Variants in ZNF365 observed in about 807,000 individuals in gnomAD.
ZNF365 encodes the protein zinc finger protein 365.
A neutral mutation model predicts 35.0 loss-of-function variants in ZNF365; 22 were observed. The observed-to-expected ratio is 0.63, with a 90% confidence interval of 0.45 to 0.90. The LOEUF is 0.90. Ranked by LOEUF, ZNF365 falls within the 40% of genes least tolerant of loss-of-function variation. ZNF365 has a pLI of 0.00. For synonymous variants in ZNF365, 188 were observed against 196.2 expected, an observed-to-expected ratio of 0.96 and a Z score of 0.35; for missense variants, 448 against 500.3, an observed-to-expected ratio of 0.90 and a Z score of 1.00.
intron 3 of ZNF365, among the ~76,000 whole-genome samples, chr10:62,444,675 G>A (rs777446495): frequency 1.7e-4 from 26 of 152,212 alleles, no homozygotes; most frequent in African/African-American, 6.3e-4. Context: ...CTGAATGTTC[G>A]AATCTCTTCT....
chr10:62,418,328 C>A (rs917869609), intron 3 of ZNF365, among the ~76,000 whole-genome samples: 3 of 151,874 alleles, frequency 2.0e-5, no homozygotes, highest in Non-Finnish European at 4.4e-5. Context: ...GCTTATTTAC[C>A]CTTCTAATGG....
At chr10:62,467,865 C>A (rs749653947) in intron 4 of ZNF365, among the ~76,000 whole-genome samples, 11 of 152,148 alleles carry the variant, frequency 7.2e-5, no homozygotes, top group Non-Finnish European at 1.0e-4. Flanking sequence ...AGTCTTTGGG[C>A]AGTGTTTGCA....
chr10:62,470,637 A>G (rs1267332111), intron 4 of ZNF365, among the ~76,000 whole-genome samples: 3 of 152,170 alleles, frequency 2.0e-5, no homozygotes, highest in African/African-American at 7.2e-5. Context: ...GTTTATACAC[A>G]CTTTCCATGT....
At chr10:62,398,891 C>A in intron 4 of ZNF365, 114 bp downstream of exon 4, 1 of 1,068,680 alleles carries the variant, frequency 9.4e-7, no homozygotes, top group Middle Eastern at 3.0e-4. Context: ...TTATAAATGG[C>A]TTTGGGAGGC....
downstream of ZNF365, among the ~76,000 whole-genome samples, chr10:62,405,981 A>G (rs1839898632): frequency 6.6e-6 from 1 of 152,218 alleles, no homozygotes; most frequent in Non-Finnish European, 1.5e-5. Context: ...AGTCCTAAAC[A>G]CAGAGATCTG....
intron 4 of ZNF365, among the ~76,000 whole-genome samples, chr10:62,478,243 T>A (rs1194536625): frequency 6.6e-6 from 1 of 152,108 alleles, no homozygotes; most frequent in Non-Finnish European, 1.5e-5. Flanking sequence ...ACAAAGACCA[T>A]AATAAACATG....
At chr10:62,393,671 G>A (rs377749639) in intron 3 of ZNF365, among the ~76,000 whole-genome samples, 117 of 152,264 alleles carry the variant, frequency 7.7e-4, no homozygotes, top group African/African-American at 2.6e-3. Context: ...TACACAAATG[G>A]TGGGAAATTA....
chr10:62,393,128 C>T (rs1021533718), intron 3 of ZNF365, among the ~76,000 whole-genome samples: 1 of 151,710 alleles, frequency 6.6e-6, no homozygotes. Flanking sequence ...ACTGGAAGGT[C>T]TTCAGAGGCT....
chr10:62,464,948 G>T (rs1373931559), intron 4 of ZNF365, among the ~76,000 whole-genome samples: 1 of 152,236 alleles, frequency 6.6e-6, no homozygotes, highest in Non-Finnish European at 1.5e-5. Flanking sequence ...GGGGCCGGAA[G>T]CAGGTGGTGC....
At chr10:62,406,143 C>T (rs1469353880), downstream of ZNF365, among the ~76,000 whole-genome samples, 4 of 152,206 alleles carry the variant, frequency 2.6e-5, no homozygotes, top group African/African-American at 9.6e-5. Flanking sequence ...TGTCTCTCCA[C>T]TCCAGCCAGC....
chr10:62,401,967 T>G lies in ZNF365; in HGVS notation c.*2178T>G. 1.0e-6 allele frequency: 1 copy of G among 985,578 alleles called. No homozygotes were observed. Among genetic ancestry groups the G allele is most frequent in the Non-Finnish European group, 1.2e-6 (1 of 829,924 alleles). The allele number at this position is 985,578 out of a possible 1,614,324, so 61.1% of individuals were successfully genotyped here. A position where few individuals can be genotyped will look rare whatever the true frequency, so the allele number is the denominator to read the frequency against. On this transcript the variant is annotated 3_prime_UTR_variant, in exon 5 of 5. Coordinates refer to ENST00000395254, the MANE Select transcript of ZNF365 (RefSeq NM_014951.3). ...TTTTGACCCCATATAAAGAAATGTG[T>G]TATGTATGTTGTGCCTCCTTAGAGA...
intron 3 of ZNF365, among the ~76,000 whole-genome samples, chr10:62,450,275 G>A (rs1840659048): frequency 6.6e-6 from 1 of 152,162 alleles, no homozygotes; most frequent in Admixed American, 6.5e-5. Context: ...GCTAAGTACT[G>A]TGCAAAGCAC....
Position 62,400,005 on chromosome 10 carries a change from T to C in ZNF365, c.*216T>C. ...AACCCCCTTTTAGAAGCTTGCAAAT[T>C]ACAGAAAGAATAAAAAAATTAAATC... On this transcript the variant is annotated 3_prime_UTR_variant, in exon 5 of 5. Coordinates refer to ENST00000395254, the MANE Select transcript of ZNF365 (RefSeq NM_014951.3). The C allele has an allele frequency of 7.5e-7, 1 of 1,325,182 alleles. No homozygotes were observed. Among genetic ancestry groups the C allele is most frequent in the East Asian group, 2.7e-5 (1 of 36,858 alleles). The allele number at this position is 1,325,182 out of a possible 1,614,324, so 82.1% of individuals were successfully genotyped here.
chr10:62,457,909 T>A (rs1840785668), intron 3 of ZNF365, among the ~76,000 whole-genome samples: 1 of 152,144 alleles, frequency 6.6e-6, no homozygotes, highest in Admixed American at 6.5e-5. Flanking sequence ...AATGACTTTC[T>A]TTTCACCTCA....
chr10:62,376,135 T>A (rs774647565), intron 1 of ZNF365, 46 bp from the exon 2 acceptor site: 3 of 1,582,010 alleles, frequency 1.9e-6, no homozygotes, highest in East Asian at 2.2e-5. Context: ...ATTTTAGTAG[T>A]GTGTTTTTCA....
intron 2 of ZNF365, among the ~76,000 whole-genome samples, chr10:62,387,832 G>A (rs527634304): frequency 2.0e-5 from 3 of 151,996 alleles, no homozygotes; most frequent in Non-Finnish European, 2.9e-5. Flanking sequence ...TCTCCCAATC[G>A]CCAGACTTTA....
At chr10:62,384,640 T>C (rs2132414219) in intron 2 of ZNF365, among the ~76,000 whole-genome samples, 1 of 152,332 alleles carries the variant, frequency 6.6e-6, no homozygotes, top group East Asian at 1.9e-4. Flanking sequence ...CTCCCACAGA[T>C]ACATAGTAGG....
chr10:62,433,170 G>A (rs1482545921), intron 3 of ZNF365, among the ~76,000 whole-genome samples: 2 of 152,090 alleles, frequency 1.3e-5, no homozygotes, highest in African/African-American at 2.4e-5. Flanking sequence ...AAAAACTGAG[G>A]TAAAGGAAAG....
At position 62,463,961 on chromosome 10, in the gene ZNF365, G is replaced by T. The variant is rs368543124; in HGVS notation, c.981+4164G>T. 7.9e-5 allele frequency among the ~76,000 whole-genome samples: 12 copies of T among 152,172 alleles called. No individual in the cohort carries two copies. The East Asian group carries it at 2.3e-3, about 29-fold the overall frequency. ...GGATCACTTTAAAACACTGACACCA[G>T]CGGGATGTAGGTGTAGTCATCAAAA... On this transcript the variant is annotated intron_variant, in intron 4 of 4. Coordinates refer to the ZNF365 transcript ENST00000395255.
Sources: gnomAD v4.1 joint callset for allele counts (sites outside exome capture counted in the v4.1 genomes callset) on GRCh38, gnomAD v4.1.1 for gene constraint, MANE v1.5 for transcripts, NCBI Gene and HGNC (gene_info 2026-07-23, HGNC 2026-07-21) for gene names.